Variants in PCDHGA9 observed in about 807,000 individuals in gnomAD.
PCDHGA9 encodes protocadherin gamma-A9.
PCDHGA9 carries 37 observed loss-of-function variants against 62.5 expected under a neutral mutation model. The observed-to-expected ratio is 0.59, with a 90% CI of 0.46 to 0.78. The LOEUF (loss-of-function observed/expected upper bound fraction) is 0.78. Ranked by LOEUF, PCDHGA9 falls within the 30% of genes least tolerant of loss-of-function variation. PCDHGA9 has a pLI of 0.00. For synonymous variants in PCDHGA9, 459 were observed against 484.6 expected, an observed-to-expected ratio of 0.95 and a Z score of 0.69; for missense variants, 1,138 against 1,166.2, an observed-to-expected ratio of 0.98 and a Z score of 0.35.
rs201673318 is a variant in PCDHGA9, at chr5:141,421,626, C to G, written c.2424+16250C>G. On this transcript the variant is annotated intron_variant, in intron 1 of 3. Coordinates refer to ENST00000573521, the MANE Select transcript of PCDHGA9 (RefSeq NM_018921.3). ...TAGATATTAATGATAACGCCCCCAG[C>G]TTCCAGGAGGACGAAGTGGAGATAA... 1.9e-6 allele frequency: 3 copies of G among 1,613,842 alleles called. No individual in the cohort carries two copies. In the African/African-American group the frequency reaches 4.0e-5, roughly 21 times the overall value.
At position 141,477,532 on chromosome 5, in the gene PCDHGA9, CG is replaced by C; in HGVS notation, c.2425-17271del. 6.2e-7 allele frequency: 1 copy of C among 1,614,146 alleles called. No individual in the cohort carries two copies. The highest frequency in any genetic ancestry group is 8.5e-7 in the Non-Finnish European group (1 of 1,180,028). Reference sequence around the variant, plus strand: ...TTTACATTGAAGAAAACAACCTCCCCGGGGCTCCAATACTAAACCTAAGTGT... The same window carrying C: ...TTTACATTGAAGAAAACAACCTCCCCGGGCTCCAATACTAAACCTAAGTGT... On this transcript the variant is annotated intron_variant, in intron 1 of 3. Transcript: ENST00000573521. This position sits in a 1 kb window ranked among gnomAD's most constrained non-coding sequence, Gnocchi z 4.9.
chr5:141,460,959 A>G (rs892536901), intron 1 of PCDHGA9, among the ~76,000 whole-genome samples: 2 of 126,082 alleles, frequency 1.6e-5, no homozygotes, highest in African/African-American at 7.1e-5. Context: ...ATGTATATAT[A>G]TATGTGTGTG....
chr5:141,418,618 A>T, intron 1 of PCDHGA9: 5 of 1,614,046 alleles, frequency 3.1e-6, no homozygotes, highest in Non-Finnish European at 4.2e-6. Context: ...GCCTTCGGGA[A>T]GACGTGCCTC....
chr5:141,403,786 A>G lies in PCDHGA9; in HGVS notation c.834A>G (p.Ala278=), dbSNP rs1317253233. The change falls in exon 1 of 4, where the codon GCA becomes GCG. Residue 278 remains alanine, a synonymous_variant. Coordinates refer to ENST00000573521, the MANE Select transcript of PCDHGA9 (RefSeq NM_018921.3). ...DLDEGINGKV[A]YKFWKINEKQ... ...ATGAGGGAATCAACGGAAAAGTGGC[A>G]TACAAATTCTGGAAAATTAATGAAA... The G allele has an allele frequency of 6.2e-7, 1 of 1,613,848 alleles. No individual in the cohort carries two copies. Among genetic ancestry groups the G allele is most frequent in the African/African-American group, 1.3e-5 (1 of 74,944 alleles).
At chr5:141,434,515 G>A (rs1032584764) in intron 1 of PCDHGA9, among the ~76,000 whole-genome samples, 1 of 152,296 alleles carries the variant, frequency 6.6e-6, no homozygotes, top group African/African-American at 2.4e-5. Context: ...CTGCTTAAAG[G>A]TGTTCTTAAA....
Position 141,486,697 on chromosome 5 carries a change from C to G in PCDHGA9, c.2425-8110C>G. 1 of 1,614,176 alleles carries G rather than the reference C, an allele frequency of 6.2e-7. No individual in the cohort carries two copies. The highest frequency in any genetic ancestry group is 8.5e-7 in the Non-Finnish European group (1 of 1,180,032). ...GAGATGTATCAGCTTCCTCTTTCATCTCTCTGAACCCCCAGACAGGAGCTG... is the reference window on the plus strand; with the variant it reads ...GAGATGTATCAGCTTCCTCTTTCATGTCTCTGAACCCCCAGACAGGAGCTG... On this transcript the variant is annotated intron_variant, in intron 1 of 3. Coordinates refer to ENST00000573521, the MANE Select transcript of PCDHGA9 (RefSeq NM_018921.3). The surrounding 1 kb of genome is among the most constrained non-coding windows in gnomAD (Gnocchi z 5.0).
Position 141,432,058 on chromosome 5 carries a change from C to T in PCDHGA9, c.2424+26682C>T, listed in dbSNP as rs2097444209. On this transcript the variant is annotated intron_variant, in intron 1 of 3. Coordinates refer to ENST00000573521, the MANE Select transcript of PCDHGA9 (RefSeq NM_018921.3). The surrounding 1 kb of genome is among the most constrained non-coding windows in gnomAD (Gnocchi z 6.0). ...CTGACCGGGGAACCCCGCCCCTATC[C>T]ACGGAAACTCATATCTCGCTGAACG... 1 of 1,614,210 alleles carries T rather than the reference C, an allele frequency of 6.2e-7. No individual in the cohort carries two copies.
At chr5:141,413,687 T>C (rs1470256826) in intron 1 of PCDHGA9, 1 of 1,613,784 alleles carries the variant, frequency 6.2e-7, no homozygotes, top group South Asian at 1.1e-5. Flanking sequence ...GTGAACTCCC[T>C]GCAGAGCTAT....
intron 1 of PCDHGA9, among the ~76,000 whole-genome samples, chr5:141,450,470 AGTTT>A (rs199699353): frequency 4.6e-5 from 7 of 151,680 alleles, no homozygotes; most frequent in Non-Finnish European, 8.8e-5. Flanking sequence ...TTATATATAG[AGTTT>A]GTTTGTTTGT....
In PCDHGA9 at chr5:141,402,854, C is replaced by T. The variant is rs1589466051; in HGVS notation, c.-99C>T. ...TGCAGCAAAACTCAGCCTCTTTCTTCTAAGGAAAAGATCACCATACTTTGC... is the reference window on the plus strand; with the variant it reads ...TGCAGCAAAACTCAGCCTCTTTCTTTTAAGGAAAAGATCACCATACTTTGC... On this transcript the variant is annotated 5_prime_UTR_variant, in exon 1 of 4. Transcript: ENST00000573521. 1.4e-6 allele frequency: 2 copies of T among 1,423,530 alleles called. No homozygotes were observed. Among genetic ancestry groups the T allele is most frequent in the East Asian group, 2.5e-5 (1 of 39,538 alleles). 88.2% of individuals were successfully genotyped at this position (1,423,530 alleles called of 1,614,324 possible).
At chr5:141,427,984 C>A (rs754620535) in intron 1 of PCDHGA9, 6 of 1,597,376 alleles carry the variant, frequency 3.8e-6, no homozygotes, top group Non-Finnish European at 4.3e-6. Flanking sequence ...GCGCTGGGGC[C>A]CGATGGCTCC....
chr5:141,431,968 T>G lies in PCDHGA9; in HGVS notation c.2424+26592T>G, dbSNP rs571981127. 6.2e-7 allele frequency: 1 copy of G among 1,614,190 alleles called. No individual in the cohort carries two copies. Among genetic ancestry groups the G allele is most frequent in the Admixed American group, 1.7e-5 (1 of 60,024 alleles). On this transcript the variant is annotated intron_variant, in intron 1 of 3. Coordinates refer to ENST00000573521, the MANE Select transcript of PCDHGA9 (RefSeq NM_018921.3). The surrounding 1 kb of genome is among the most constrained non-coding windows in gnomAD (Gnocchi z 4.8). ...AAAAATCTTACGGAAATTACTATAGTTTAGTCACAGACATAGTCTTGGATA... is the reference window on the plus strand; with the variant it reads ...AAAAATCTTACGGAAATTACTATAGGTTAGTCACAGACATAGTCTTGGATA...
intron 1 of PCDHGA9, chr5:141,423,750 TGG>T (rs144521096): frequency 3.2e-4 from 92 of 287,850 alleles, no homozygotes; most frequent in South Asian, 5.2e-4. Context: ...GAAAACTGTT[TGG>T]GGGGGGGGTG....
chr5:141,460,766 A>G (rs1370331016), intron 1 of PCDHGA9, among the ~76,000 whole-genome samples: 1 of 152,056 alleles, frequency 6.6e-6, no homozygotes, highest in Non-Finnish European at 1.5e-5. Flanking sequence ...TACATATTGC[A>G]TATGTATGTA....
chr5:141,468,648 C>G (rs60206946), intron 1 of PCDHGA9: 27,626 of 151,800 alleles, frequency 0.18, 2,687 homozygotes, highest in Admixed American at 0.28. Flanking sequence ...GGGCGGATCA[C>G]AAGGTCAGGA....
rs1476081470 is a variant in PCDHGA9, at chr5:141,432,757, C to G, written c.2424+27381C>G. 2.5e-6 allele frequency: 4 copies of G among 1,614,150 alleles called. No homozygotes were observed. The highest frequency in any genetic ancestry group is 1.3e-5 in the African/African-American group (1 of 75,076). ...TCACGCTCACCGTGGCCGTGGCCGA[C>G]AGCATCCCCCAAGTCCTGGCGGACC... On this transcript the variant is annotated intron_variant, in intron 1 of 3. Coordinates refer to ENST00000573521, the MANE Select transcript of PCDHGA9 (RefSeq NM_018921.3). This position sits in a 1 kb window ranked among gnomAD's most constrained non-coding sequence, Gnocchi z 6.0.
At chr5:141,478,118 G>C in intron 1 of PCDHGA9, 2 of 1,614,048 alleles carry the variant, frequency 1.2e-6, no homozygotes, top group African/African-American at 1.3e-5. Context: ...GTCAGTAACC[G>C]AGGACTCTCC....
At position 141,459,173 on chromosome 5, in the gene PCDHGA9, AG is replaced by A. The variant is rs370401072; in HGVS notation, c.2425-35633del. Among the ~76,000 whole-genome samples the A allele has an allele frequency of 3.1e-3, 479 of 152,326 alleles. 10 individuals carry two copies. In the South Asian group the frequency reaches 0.063, roughly 20 times the overall value. ...ATAGAACATTTCTATAACCTTCAAA[AG>A]TTCCCTCATGCCCCTTTGCAATCAA... On this transcript the variant is annotated intron_variant, in intron 1 of 3. Coordinates refer to ENST00000573521, the MANE Select transcript of PCDHGA9 (RefSeq NM_018921.3).
Position 141,495,110 on chromosome 5 carries a change from T to C in PCDHGA9, c.2483+245T>C, listed in dbSNP as rs74534116. Among the ~76,000 whole-genome samples the C allele has an allele frequency of 3.9e-3, 595 of 152,212 alleles. 3 individuals carry two copies. The highest frequency in any genetic ancestry group is 0.013 in the African/African-American group (538 of 41,532). On this transcript the variant is annotated intron_variant, in intron 2 of 3. Coordinates refer to ENST00000573521, the MANE Select transcript of PCDHGA9 (RefSeq NM_018921.3). The stretch of plus-strand genomic sequence containing the variant: ...TTCCCTCCTCGCCACGACCGGCACC[T>C]TTTCCTATCCCCTGAGGGCACTGTG...
Sources: allele counts gnomAD v4.1 joint callset (sites outside exome capture counted in the v4.1 genomes callset), GRCh38; gene constraint gnomAD v4.1.1; non-coding constraint Gnocchi (gnomAD v3.1); transcripts MANE v1.5; gene names NCBI Gene and HGNC (gene_info 2026-07-23, HGNC 2026-07-21).